Variants in SRCAP observed in about 807,000 individuals in gnomAD.
The protein encoded by SRCAP is Snf2 related CREBBP activator protein, also known as chromatin remodeling protein SRCAP.
SRCAP carries 46 observed loss-of-function variants against 263.1 expected under a neutral mutation model. That is an observed-to-expected ratio of 0.17 (90% CI 0.14 to 0.22). The LOEUF (loss-of-function observed/expected upper bound fraction) is 0.22. SRCAP is among the 10% of genes least tolerant of loss of function. The probability of loss-of-function intolerance (pLI) is 1.00; values close to 1 mark genes in which losing one functional copy is unlikely to be tolerated. For missense variants in SRCAP, 3,695 were observed against 4,181.9 expected, an observed-to-expected ratio of 0.88 and a Z score of 3.21; for synonymous variants, 1,813 against 1,662.1, an observed-to-expected ratio of 1.09 and a Z score of -2.21.
chr16:30,700,683 C>A lies in SRCAP; in HGVS notation c.-142C>A, dbSNP rs374941133. 369 of 720,126 alleles carry A rather than the reference C, an allele frequency of 5.1e-4. 1 individual carries two copies. Among genetic ancestry groups the A allele is most frequent in the Admixed American group, 1.3e-3 (44 of 33,430 alleles). The allele number at this position is 720,126 out of a possible 1,614,324, so 44.6% of individuals were successfully genotyped here. A position where few individuals can be genotyped will look rare whatever the true frequency, so the allele number is the denominator to read the frequency against. ...CTGGTGGGCCCCGGGCCCTGGAAGG[C>A]GGGTCCCGGTGGCCGGTGGCCCAGA... is the stretch of plus-strand genomic sequence containing the variant. On this transcript the variant is annotated 5_prime_UTR_variant, in exon 3 of 34. Coordinates refer to ENST00000262518, the MANE Select transcript of SRCAP (RefSeq NM_006662.3).
chr16:30,724,838 C>T lies in SRCAP; in HGVS notation c.5414C>T (p.Thr1805Ile). 1 of 1,614,042 alleles carries T rather than the reference C, an allele frequency of 6.2e-7. No homozygotes were observed. The highest frequency in any genetic ancestry group is 8.5e-7 in the Non-Finnish European group (1 of 1,179,912). Residue 1805 changes from threonine to isoleucine, a missense_variant, in exon 25 of 34, where the codon ACC (threonine) becomes ATC (isoleucine). By Grantham distance (89) the Thr-to-Ile change is moderately conservative. Transcript: ENST00000262518. ...VPTLGPAAAQ[T>I]LALAPASTQS... The stretch of plus-strand genomic sequence containing the variant: ...ACCCTGGGCCCGGCCGCAGCTCAGA[C>T]CTTGGCGCTGGCCCCAGCCTCCACA...
Position 30,713,550 on chromosome 16 carries a change from T to A in SRCAP, c.2332T>A (p.Leu778Met). Residue 778 changes from leucine (L) to methionine (M), a missense_variant, in exon 16 of 34, where the codon TTG becomes ATG. Transcript: ENST00000262518. ...ACGCCTGCTCCTGACAGGAACTCCC[T>A]TGCAGAACAGCCTCATGGAGCTGTG... ...QRRLLLTGTP[L>M]QNSLMELWSL... is the part of the protein sequence containing the mutation. 1 of 1,614,188 alleles carries A rather than the reference T, an allele frequency of 6.2e-7. No homozygotes were observed. Among genetic ancestry groups the A allele is most frequent in the Non-Finnish European group, 8.5e-7 (1 of 1,180,032 alleles).
intron 1 of SRCAP, among the ~76,000 whole-genome samples, chr16:30,699,507 G>A (rs1291538262): frequency 6.6e-6 from 1 of 152,130 alleles, no homozygotes; most frequent in Non-Finnish European, 1.5e-5. Context: ...AATCCTGGGC[G>A]GATTTTCCTG....
chr16:30,739,884 G>C lies in SRCAP; in HGVS notation c.*151G>C. 1 of 1,248,914 alleles carries C rather than the reference G, an allele frequency of 8.0e-7. No individual in the cohort carries two copies. Among genetic ancestry groups the C allele is most frequent in the Non-Finnish European group, 1.1e-6 (1 of 946,642 alleles). The allele number at this position is 1,248,914 out of a possible 1,614,324, so 77.4% of individuals were successfully genotyped here. ...CTTCTTCCCACCAAAGTAGGGGGTA[G>C]GCAACTGGTTGTCATGGAAATGGGG... On this transcript the variant is annotated 3_prime_UTR_variant, in exon 34 of 34. Transcript: ENST00000262518.
In SRCAP at chr16:30,738,581, A is replaced by G; in HGVS notation, c.8541A>G (p.Ala2847=). 6.2e-7 allele frequency: 1 copy of G among 1,606,788 alleles called. No individual in the cohort carries two copies. The highest frequency in any genetic ancestry group is 8.5e-7 in the Non-Finnish European group (1 of 1,176,252). The change falls in exon 34 of 34, where the codon GCA becomes GCG. Residue 2847 remains alanine, a synonymous_variant. Transcript: ENST00000262518. ...GCAGCCCCGAGAATGGAGACGGAGCACTGCTCGCCATCACCCCACCTGCTG... is the reference window on the plus strand; with the variant it reads ...GCAGCCCCGAGAATGGAGACGGAGCGCTGCTCGCCATCACCCCACCTGCTG... ...GGGSPENGDG[A]LLAITPPAVK... is the part of the protein sequence containing the mutation.
At position 30,739,491 on chromosome 16, in the gene SRCAP, C is replaced by T; in HGVS notation, c.9451C>T (p.Leu3151=). 1 of 1,613,816 alleles carries T rather than the reference C, an allele frequency of 6.2e-7. No homozygotes were observed. The highest frequency in any genetic ancestry group is 8.5e-7 in the Non-Finnish European group (1 of 1,179,922). The stretch of plus-strand genomic sequence containing the variant: ...GGCCCCAGTTGGTGGGAGTCCTGGG[C>T]TGGCAAAGCGGGGCCGCCTACAGCC... The part of the protein sequence containing the change: ...AGAPVGGSPG[L]AKRGRLQPPS... Residue 3151 remains leucine (L), a synonymous_variant, in exon 34 of 34, where the codon CTG becomes TTG. Coordinates refer to ENST00000262518, the MANE Select transcript of SRCAP (RefSeq NM_006662.3).
chr16:30,720,742 G>T lies in SRCAP; in HGVS notation c.3017G>T (p.Gly1006Val). ...CTGCAGCCAGTACCTAAGCAAGAAG[G>T]CCGGACAGTGGTGGTGGTGAACAAC... is the stretch of plus-strand genomic sequence containing the variant. ...RMLQPVPKQE[G>V]RTVVVVNNPR... The change falls in exon 20 of 34, where the codon GGC becomes GTC. Residue 1006 changes from glycine (G) to valine (V), a missense_variant. Around this residue, in one of 12 missense-constraint regions of SRCAP, gnomAD observed 1,347 missense variants for 1,304.4 expected, o/e 1.03. Transcript: ENST00000262518. The T allele has an allele frequency of 1.9e-6, 3 of 1,611,124 alleles. No individual in the cohort carries two copies. Among genetic ancestry groups the T allele is most frequent in the Non-Finnish European group, 2.5e-6 (3 of 1,178,338 alleles).
Position 30,716,486 on chromosome 16 carries a change from A to G in SRCAP, c.2817+7A>G. Reference sequence around the variant, plus strand: ...GGATGTCCATCCCCTCCAGGTAAGTATGATTCCATTAATATGAAATGTAAA... The same window carrying G: ...GGATGTCCATCCCCTCCAGGTAAGTGTGATTCCATTAATATGAAATGTAAA... On this transcript the variant is annotated splice_region_variant and intron_variant, in intron 18 of 33. Coordinates refer to ENST00000262518, the MANE Select transcript of SRCAP (RefSeq NM_006662.3). 1 of 1,602,338 alleles carries G rather than the reference A, an allele frequency of 6.2e-7. No individual in the cohort carries two copies. Among genetic ancestry groups the G allele is most frequent in the Non-Finnish European group, 8.5e-7 (1 of 1,174,106 alleles).
rs764652779 is a variant in SRCAP, at chr16:30,739,061, G to A, written c.9021G>A (p.Arg3007=). ...TISTSPPKRK[R]GRPPKNPPSP... Reference sequence around the variant, plus strand: ...CAACGTCCCCACCCAAACGGAAGAGGGGCCGACCTCCCAAGAATCCTCCAT... The same window carrying A: ...CAACGTCCCCACCCAAACGGAAGAGAGGCCGACCTCCCAAGAATCCTCCAT... The change falls in exon 34 of 34, where the codon AGG becomes AGA. Residue 3007 remains arginine (R), a synonymous_variant. Transcript: ENST00000262518. The A allele has an allele frequency of 1.9e-6, 3 of 1,614,050 alleles. No homozygotes were observed. Among genetic ancestry groups the A allele is most frequent in the Admixed American group, 3.3e-5 (2 of 60,006 alleles).
rs140878775 is a variant in SRCAP at position 30,738,137 on chromosome 16, A to G, written c.8097A>G (p.Ala2699=). 4 of 1,614,046 alleles carry G rather than the reference A, an allele frequency of 2.5e-6. No homozygotes were observed. The African/African-American group carries it at 5.3e-5, about 22-fold the overall frequency. Residue 2699 remains alanine, a synonymous_variant, in exon 34 of 34, where the codon GCA becomes GCG. Coordinates refer to ENST00000262518, the MANE Select transcript of SRCAP (RefSeq NM_006662.3). ...AGGAACTCGTTACAGCTGAGGTTGC[A>G]GCTCCATCCACCTCATCTTCAGCCA... ...KPQELVTAEV[A]APSTSSSATS...
In SRCAP at chr16:30,721,275, G is replaced by T; in HGVS notation, c.3340G>T (p.Val1114Phe). 1 of 1,614,062 alleles carries T rather than the reference G, an allele frequency of 6.2e-7. No individual in the cohort carries two copies. The highest frequency in any genetic ancestry group is 8.5e-7 in the Non-Finnish European group (1 of 1,179,984). Residue 1114 changes from valine (V) to phenylalanine (F), a missense_variant, in exon 21 of 34, where the codon GTT becomes TTT. Physicochemically the swap from Val to Phe is conservative, Grantham distance 50. Coordinates refer to ENST00000262518, the MANE Select transcript of SRCAP (RefSeq NM_006662.3). ...LSLKPTPPAPVRLSPAPPPGS... is the reference protein window; with the variant it reads ...LSLKPTPPAPFRLSPAPPPGS... ...CCTAAAGCCAACACCACCTGCCCCA[G>T]TTCGCCTGAGCCCAGCCCCACCTCC...
rs775952488 is a variant in SRCAP at position 30,724,211 on chromosome 16, C to T, written c.4787C>T (p.Ala1596Val). The change falls in exon 25 of 34, where the codon GCA becomes GTA. Residue 1596 changes from alanine (A) to valine (V), a missense_variant. This residue lies in a region of SRCAP where 1,347 missense variants were observed against 1,304.4 expected (regional missense o/e 1.03). Transcript: ENST00000262518. Reference protein sequence around the residue: ...PLAPMAAPQTAILAPSPAPPL... With the variant: ...PLAPMAAPQTVILAPSPAPPL... The stretch of plus-strand genomic sequence containing the variant: ...GCTCCTATGGCGGCTCCACAGACAG[C>T]AATTCTGGCTCCTTCTCCAGCTCCT... 2 of 1,614,000 alleles carry T rather than the reference C, an allele frequency of 1.2e-6. No individual in the cohort carries two copies. Among genetic ancestry groups the T allele is most frequent in the African/African-American group, 1.3e-5 (1 of 74,896 alleles).
chr16:30,707,395 C>CT, intron 5 of SRCAP, 27 bp downstream of exon 5: 1 of 1,610,804 alleles, frequency 6.2e-7, no homozygotes, highest in Non-Finnish European at 8.5e-7. Flanking sequence ...GACTTCCTTC[C>CT]TTTTCCTTTT....
chr16:30,700,732 C>T lies in SRCAP; in HGVS notation c.-93C>T, dbSNP rs2052756676. The T allele has an allele frequency of 7.7e-7, 1 of 1,292,114 alleles. No homozygotes were observed. The highest frequency in any genetic ancestry group is 1.1e-6 in the Non-Finnish European group (1 of 910,668). The allele number at this position is 1,292,114 out of a possible 1,614,324, so 80.0% of individuals were successfully genotyped here. On this transcript the variant is annotated 5_prime_UTR_variant, in exon 3 of 34. Transcript: ENST00000262518. ...GAATGAGGCCAGCTCCCAGCATGCC[C>T]TGCAGCCGGACGCCAGCCCCTCGGC...
At chr16:30,734,728 G>C in intron 31 of SRCAP, 113 bp downstream of exon 31, 1 of 1,484,398 alleles carries the variant, frequency 6.7e-7, no homozygotes, top group African/African-American at 1.4e-5. Flanking sequence ...CTGCTTCCCA[G>C]ATTACAGTCA....
At chr16:30,717,103 C>T (rs191857700) in intron 18 of SRCAP, among the ~76,000 whole-genome samples, 46 of 152,268 alleles carry the variant, frequency 3.0e-4, no homozygotes, top group Admixed American at 2.9e-3. Flanking sequence ...CACATCCTTG[C>T]CATTACCTGT....
intron 25 of SRCAP, chr16:30,725,858 C>T (rs1015464781): frequency 4.6e-5 from 7 of 152,116 alleles, no homozygotes; most frequent in Admixed American, 2.0e-4. Context: ...TTCCTGGCCT[C>T]AAGTGATCCT....
In SRCAP at chr16:30,739,855, CT is replaced by C; in HGVS notation, c.*123del. The stretch of plus-strand genomic sequence containing the variant: ...GCCTCCAGGGAGACATAGGGGCCTT[CT>C]CCCTTCTTCCCACCAAAGTAGGGGG... On this transcript the variant is annotated 3_prime_UTR_variant, in exon 34 of 34. Transcript: ENST00000262518. 7.2e-7 allele frequency: 1 copy of C among 1,384,238 alleles called. No homozygotes were observed. The highest frequency in any genetic ancestry group is 9.4e-7 in the Non-Finnish European group (1 of 1,062,020). The allele number at this position is 1,384,238 out of a possible 1,614,324, so 85.7% of individuals were successfully genotyped here.
In SRCAP at chr16:30,737,648, C is replaced by G; in HGVS notation, c.7608C>G (p.Ile2536Met). ...TGCTTGGTCCACCTTCTGTGCCCAT[C>G]TCTGCCTCAGTCACTAATCTCCCCT... ...PLLLGPPSVP[I>M]SASVTNLPLG... Residue 2536 changes from isoleucine (I) to methionine (M), a missense_variant, in exon 34 of 34, where the codon ATC (isoleucine) becomes ATG (methionine). Physicochemically the swap from Ile to Met is conservative, Grantham distance 10 (BLOSUM62 1). Coordinates refer to ENST00000262518, the MANE Select transcript of SRCAP (RefSeq NM_006662.3). 1 of 1,614,106 alleles carries G rather than the reference C, an allele frequency of 6.2e-7. No homozygotes were observed. Among genetic ancestry groups the G allele is most frequent in the Non-Finnish European group, 8.5e-7 (1 of 1,180,036 alleles).
Sources: gnomAD v4.1 joint callset for allele counts (sites outside exome capture counted in the v4.1 genomes callset) on GRCh38, gnomAD v4.1.1 for gene constraint, gnomAD v4.1.1 regional missense constraint, MANE v1.5 for transcripts, NCBI Gene and HGNC (gene_info 2026-07-23, HGNC 2026-07-21) for gene names.